The following CNTNAP2 variants were observed in gnomAD, a reference collection of about 807,000 sequenced individuals.
CNTNAP2 encodes contactin associated protein 2.
A neutral mutation model predicts 155.2 loss-of-function variants in CNTNAP2; 98 were observed. That is an observed-to-expected ratio of 0.63 (90% CI 0.54 to 0.75). The LOEUF is 0.75. Ranked by LOEUF, CNTNAP2 falls within the 30% of genes least tolerant of loss-of-function variation. The pLI is 0.00. For missense variants in CNTNAP2, 1,727 were observed against 1,688.1 expected (o/e 1.02, Z -0.40); for synonymous variants, 651 against 631.2 (o/e 1.03, Z -0.47).
chr7:146,821,608 C>T (rs1803285279), intron 2 of CNTNAP2, among the ~76,000 whole-genome samples: 2 of 152,026 alleles, frequency 1.3e-5, no homozygotes. Flanking sequence ...CTACAATGAA[C>T]TCCAACAAAT....
intron 15 of CNTNAP2, among the ~76,000 whole-genome samples, chr7:148,026,671 G>T (rs988198953): frequency 6.6e-6 from 1 of 152,142 alleles, no homozygotes; most frequent in African/African-American, 2.4e-5. Context: ...AAAATTCAGA[G>T]TTTGAACCAG....
intron 11 of CNTNAP2, among the ~76,000 whole-genome samples, chr7:147,504,149 G>A (rs1222511734): frequency 1.3e-5 from 2 of 152,120 alleles, no homozygotes; most frequent in Non-Finnish European, 2.9e-5. Context: ...AGACTGGGAA[G>A]TGGTTCTGAG....
intron 1 of CNTNAP2, among the ~76,000 whole-genome samples, chr7:146,758,894 A>G (rs1802037160): frequency 6.6e-6 from 1 of 152,140 alleles, no homozygotes; most frequent in African/African-American, 2.4e-5. Context: ...TTTTAAGACC[A>G]GAGTTAAGCT....
intron 3 of CNTNAP2, among the ~76,000 whole-genome samples, chr7:147,027,506 G>T (rs1425975598): frequency 1.3e-5 from 2 of 152,150 alleles, no homozygotes; most frequent in Non-Finnish European, 2.9e-5. Context: ...CAAAACATAG[G>T]GTGATAATTT....
chr7:147,892,904 T>A (rs1342423662), intron 13 of CNTNAP2, among the ~76,000 whole-genome samples: 2 of 152,232 alleles, frequency 1.3e-5, no homozygotes, highest in Admixed American at 6.5e-5. Flanking sequence ...CATTTATTTC[T>A]ATTCACCCCT....
At chr7:146,954,304 A>T (rs1165330743) in intron 3 of CNTNAP2, among the ~76,000 whole-genome samples, 1 of 152,038 alleles carries the variant, frequency 6.6e-6, no homozygotes, top group South Asian at 2.1e-4. Context: ...ACATTCTGAA[A>T]TGTATGCTTT....
intron 1 of CNTNAP2, among the ~76,000 whole-genome samples, chr7:146,739,204 A>G (rs1402787295): frequency 6.6e-6 from 1 of 151,594 alleles, no homozygotes; most frequent in Non-Finnish European, 1.5e-5. Context: ...TTGTTTTTCA[A>G]GTTTCTTGAG....
intron 1 of CNTNAP2, among the ~76,000 whole-genome samples, chr7:146,599,375 A>G (rs1451802394): frequency 6.6e-6 from 1 of 152,088 alleles, no homozygotes; most frequent in East Asian, 1.9e-4. Context: ...CACAGGTTAT[A>G]CAATGCCTCC....
chr7:146,603,380 C>T (rs1222703748), intron 1 of CNTNAP2, among the ~76,000 whole-genome samples: 2 of 150,376 alleles, frequency 1.3e-5, no homozygotes, highest in Non-Finnish European at 3.0e-5. Context: ...CCACTGCACT[C>T]CAGCCTGGGG....
intron 22 of CNTNAP2, among the ~76,000 whole-genome samples, chr7:148,393,366 C>T (rs545251414): frequency 1.3e-5 from 2 of 152,284 alleles, no homozygotes; most frequent in South Asian, 4.1e-4. Flanking sequence ...CACACTTAAT[C>T]GTGTGAAGAA....
chr7:147,329,898 C>T (rs1374830508), intron 9 of CNTNAP2, among the ~76,000 whole-genome samples: 1 of 152,066 alleles, frequency 6.6e-6, no homozygotes, highest in African/African-American at 2.4e-5. Flanking sequence ...TACTATGATT[C>T]CCTTCTTATG....
chr7:148,283,319 GGAAA>G (rs1797021560), intron 21 of CNTNAP2, among the ~76,000 whole-genome samples: 1 of 93,940 alleles, frequency 1.1e-5, no homozygotes, highest in Non-Finnish European at 2.2e-5. Context: ...AAGGAAGGAA[GGAAA>G]GAAAGAAAGA....
chr7:147,699,803 C>T (rs1796210147), intron 13 of CNTNAP2, among the ~76,000 whole-genome samples: 2 of 152,038 alleles, frequency 1.3e-5, no homozygotes, highest in South Asian at 4.1e-4. Context: ...CATCACTCCC[C>T]CCAAAATTTC....
intron 17 of CNTNAP2, among the ~76,000 whole-genome samples, chr7:148,148,090 G>A (rs1012377500): frequency 6.8e-6 from 1 of 147,312 alleles, no homozygotes; most frequent in Non-Finnish European, 1.5e-5. Context: ...AAGGAAGGGA[G>A]AGAGGGAGGG....
intron 8 of CNTNAP2, among the ~76,000 whole-genome samples, chr7:147,198,517 C>A (rs1802854453): frequency 6.6e-6 from 1 of 152,174 alleles, no homozygotes. Flanking sequence ...CAGGTGTGAG[C>A]CACCGCGCCA....
chr7:146,976,419 AC>A (rs1467968551), intron 3 of CNTNAP2, among the ~76,000 whole-genome samples: 1 of 151,948 alleles, frequency 6.6e-6, no homozygotes, highest in Non-Finnish European at 1.5e-5. Context: ...AGGCTCTTTT[AC>A]CTGTGCTTCT....
chr7:146,408,272 T>C (rs939971867), intron 1 of CNTNAP2, among the ~76,000 whole-genome samples: 1 of 152,332 alleles, frequency 6.6e-6, no homozygotes, highest in South Asian at 2.1e-4. Context: ...AACAGAATAC[T>C]TTAATAAAAA....
intron 4 of CNTNAP2, among the ~76,000 whole-genome samples, chr7:147,055,222 G>A (rs947403348): frequency 1.3e-5 from 2 of 152,144 alleles, no homozygotes; most frequent in Non-Finnish European, 2.9e-5. Context: ...TAAACACTTA[G>A]CAACTTTAGA....
At chr7:146,501,779 A>G (rs1277488559) in intron 1 of CNTNAP2, among the ~76,000 whole-genome samples, 1 of 152,152 alleles carries the variant, frequency 6.6e-6, no homozygotes, top group Non-Finnish European at 1.5e-5. Flanking sequence ...GTACATCCTA[A>G]ATCTAATGAC....
Sources: allele counts gnomAD v4.1 joint callset (sites outside exome capture counted in the v4.1 genomes callset), GRCh38; gene constraint gnomAD v4.1.1; transcripts MANE v1.5; gene names NCBI Gene and HGNC (gene_info 2026-07-23, HGNC 2026-07-21).